Variants in RARB observed in about 807,000 individuals in gnomAD.
RARB encodes the protein retinoic acid receptor beta.
A neutral mutation model predicts 51.9 loss-of-function variants in RARB; 17 were observed. The ratio of observed to expected loss-of-function variants is 0.33; its 90% CI spans 0.22 to 0.49. The LOEUF (loss-of-function observed/expected upper bound fraction) is 0.49, where lower values mean the gene tolerates loss of function less well. Among genes scored for constraint, RARB ranks in the 20% least tolerant of loss-of-function variants. RARB has a pLI of 0.99. For missense variants in RARB, 369 were observed against 550.8 expected, an observed-to-expected ratio of 0.67 and a Z score of 3.30; for synonymous variants, 215 against 195.4, an observed-to-expected ratio of 1.10 and a Z score of -0.84.
intron 3 of RARB, among the ~76,000 whole-genome samples, chr3:25,074,747 C>A (rs1044945785): frequency 2.6e-5 from 4 of 152,138 alleles, no homozygotes; most frequent in Admixed American, 6.5e-5. Context: ...GAAACAGATA[C>A]CAAGGAAAAT....
At chr3:25,341,015 G>A (rs1158829292) in intron 5 of RARB, among the ~76,000 whole-genome samples, 1 of 152,104 alleles carries the variant, frequency 6.6e-6, no homozygotes, top group Non-Finnish European at 1.5e-5. Context: ...AGCTAAATAG[G>A]CGTTGTCTTT....
intron 2 of RARB, among the ~76,000 whole-genome samples, chr3:24,967,214 G>A (rs778488569): frequency 7.2e-5 from 11 of 152,026 alleles, no homozygotes; most frequent in South Asian, 2.1e-4. Flanking sequence ...TAAGCTTCTC[G>A]TTGGTCACAG....
chr3:24,905,584 TA>T (rs1462050903), intron 2 of RARB, among the ~76,000 whole-genome samples: 3 of 152,168 alleles, frequency 2.0e-5, no homozygotes, highest in African/African-American at 7.2e-5. Flanking sequence ...TTTCCTGATT[TA>T]AAAAAGGAAA....
chr3:25,413,796 A>G (rs537592931), intron 5 of RARB, among the ~76,000 whole-genome samples: 1 of 152,208 alleles, frequency 6.6e-6, no homozygotes, highest in African/African-American at 2.4e-5. Flanking sequence ...ATTGAGCTGC[A>G]ACACACTGGC....
chr3:25,009,941 C>T (rs1198946940), intron 2 of RARB, among the ~76,000 whole-genome samples: 9 of 152,086 alleles, frequency 5.9e-5, no homozygotes, highest in Admixed American at 3.3e-4. Context: ...ACAGCACTGA[C>T]GTCAAAGCTG....
At chr3:24,941,417 T>C (rs149918235) in intron 2 of RARB, among the ~76,000 whole-genome samples, 6,496 of 151,872 alleles carry the variant, frequency 0.043, 274 homozygotes, top group East Asian at 0.18. Flanking sequence ...TCACCCAGGC[T>C]GGAGTGCAAT....
At chr3:25,169,270 G>T (rs914216982) in intron 4 of RARB, among the ~76,000 whole-genome samples, 1 of 152,168 alleles carries the variant, frequency 6.6e-6, no homozygotes, top group East Asian at 1.9e-4. Flanking sequence ...TCCGAAAAAA[G>T]AGAGAAGCAA....
chr3:25,318,878 C>T (rs1704492868), intron 5 of RARB, among the ~76,000 whole-genome samples: 2 of 152,128 alleles, frequency 1.3e-5, no homozygotes, highest in Admixed American at 1.3e-4. Flanking sequence ...TCCTTAATGT[C>T]CTTTTCTCTG....
intron 5 of RARB, among the ~76,000 whole-genome samples, chr3:25,242,343 A>T (rs540967963): frequency 6.6e-6 from 1 of 152,102 alleles, no homozygotes; most frequent in South Asian, 2.1e-4. Flanking sequence ...GCTTTTGTTG[A>T]CATTGCTTTT....
At chr3:25,037,455 G>C (rs981654893) in intron 2 of RARB, among the ~76,000 whole-genome samples, 1 of 152,016 alleles carries the variant, frequency 6.6e-6, no homozygotes, top group African/African-American at 2.4e-5. Flanking sequence ...ACTGCAATGA[G>C]AGATAAAACC....
chr3:25,525,620 T>C (rs1265272271), intron 3 of RARB, among the ~76,000 whole-genome samples: 2 of 152,194 alleles, frequency 1.3e-5, no homozygotes, highest in East Asian at 3.8e-4. Context: ...AAAGGGTTCC[T>C]GATGTCCTGA....
intron 5 of RARB, among the ~76,000 whole-genome samples, chr3:25,380,237 A>C (rs1706584588): frequency 2.6e-5 from 4 of 152,164 alleles, no homozygotes; most frequent in African/African-American, 9.7e-5. Flanking sequence ...GAGTGACAGG[A>C]TCCTCGCATG....
At position 25,594,553 on chromosome 3, in the gene RARB, A is replaced by G. The variant is rs1701739859; in HGVS notation, c.1025A>G (p.Asp342Gly). Reference protein sequence around the residue: ...RQDLEEPTKVDKLQEPLLEAL... With the variant: ...RQDLEEPTKVGKLQEPLLEAL... ...GACCTTGAGGAACCGACAAAAGTAG[A>G]TAAGCTACAAGAACCATTGCTGGAA... The change falls in exon 7 of 8, where the codon GAT becomes GGT. Residue 342 changes from aspartate (D) to glycine (G), a missense_variant. Physicochemically the swap from Asp to Gly is moderately conservative, Grantham distance 94. Coordinates refer to ENST00000330688, the MANE Select transcript of RARB (RefSeq NM_000965.5). 6.2e-7 allele frequency: 1 copy of G among 1,612,774 alleles called. No homozygotes were observed. The highest frequency in any genetic ancestry group is 8.5e-7 in the Non-Finnish European group (1 of 1,179,620).
At chr3:25,394,987 T>G (rs1354881905) in intron 5 of RARB, among the ~76,000 whole-genome samples, 1 of 152,218 alleles carries the variant, frequency 6.6e-6, no homozygotes, top group African/African-American at 2.4e-5. Flanking sequence ...CTTGTGTTAT[T>G]GTTTTACAGT....
intron 5 of RARB, among the ~76,000 whole-genome samples, chr3:25,264,124 A>T (rs1340820633): frequency 1.8e-4 from 28 of 151,980 alleles, no homozygotes; most frequent in African/African-American, 6.7e-4. Flanking sequence ...TTTTTTTTTA[A>T]AAAAAGGTTG....
chr3:24,909,062 C>A lies in RARB; in HGVS notation c.-380+50310C>A, dbSNP rs530542836. Reference sequence around the variant, plus strand: ...AAATGTTAGAGCTTTTTCCAAAAGGCATCATTTTTACTTTTCATGACCCTA... The same window carrying A: ...AAATGTTAGAGCTTTTTCCAAAAGGAATCATTTTTACTTTTCATGACCCTA... On this transcript the variant is annotated intron_variant, in intron 2 of 11. Transcript: ENST00000383772. Among the ~76,000 whole-genome samples, 3 of 152,176 alleles carry A rather than the reference C, an allele frequency of 2.0e-5. No homozygotes were observed. The East Asian group carries it at 5.8e-4, about 29-fold the overall frequency.
intron 5 of RARB, among the ~76,000 whole-genome samples, chr3:25,365,516 C>G (rs1706091967): frequency 6.6e-6 from 1 of 152,022 alleles, no homozygotes; most frequent in African/African-American, 2.4e-5. Context: ...ATAAAACAAC[C>G]ATTTATTCTG....
At chr3:24,901,958 A>T (rs1703616633) in intron 2 of RARB, among the ~76,000 whole-genome samples, 1 of 151,904 alleles carries the variant, frequency 6.6e-6, no homozygotes, top group African/African-American at 2.4e-5. Context: ...CAAGACTGCA[A>T]TTACTTTTGC....
chr3:25,020,820 G>C (rs985776977), intron 2 of RARB, among the ~76,000 whole-genome samples: 1 of 152,146 alleles, frequency 6.6e-6, no homozygotes, highest in South Asian at 2.1e-4. Context: ...TCTACAAAAA[G>C]TAACTGGGCG....
Sources: gnomAD v4.1 joint callset for allele counts (sites outside exome capture counted in the v4.1 genomes callset) on GRCh38, gnomAD v4.1.1 for gene constraint, MANE v1.5 for transcripts, NCBI Gene and HGNC (gene_info 2026-07-23, HGNC 2026-07-21) for gene names.